The following GRM7 variants were observed in gnomAD, a reference collection of about 807,000 sequenced individuals.
The protein encoded by GRM7 is metabotropic glutamate receptor 7.
In GRM7, 35 loss-of-function variants were observed where a neutral mutation model predicts 84.5. The observed-to-expected ratio is 0.41, with a 90% CI of 0.32 to 0.55. GRM7 has a LOEUF of 0.55. GRM7 is among the 20% of genes least tolerant of loss of function. The probability of loss-of-function intolerance (pLI) is 0.19; values close to 1 mark genes in which losing one functional copy is unlikely to be tolerated. For synonymous variants in GRM7, 487 were observed against 455.1 expected (o/e 1.07, Z -0.89); for missense variants, 1,003 against 1,194.6 (o/e 0.84, Z 2.36).
chr3:7,247,489 C>G (rs944753683), intron 2 of GRM7, among the ~76,000 whole-genome samples: 1 of 151,250 alleles, frequency 6.6e-6, no homozygotes, highest in African/African-American at 2.4e-5. Context: ...GTCCTACCTA[C>G]TTGAGAGGCT....
intron 1 of GRM7, among the ~76,000 whole-genome samples, chr3:7,096,802 A>G (rs936680456): frequency 6.6e-6 from 1 of 152,142 alleles, no homozygotes; most frequent in African/African-American, 2.4e-5. Context: ...AGACACTCCT[A>G]TCAATCAGGA....
At chr3:7,177,745 T>C (rs10510351) in intron 2 of GRM7, among the ~76,000 whole-genome samples, 59,154 of 152,044 alleles carry the variant, frequency 0.39, 12,635 homozygotes, top group African/African-American at 0.57. Context: ...ATGCTACAAC[T>C]GATTAAACCT....
At chr3:7,676,420 T>TAAAACAAAGA (rs1700123631) in intron 8 of GRM7, among the ~76,000 whole-genome samples, 1 of 152,170 alleles carries the variant, frequency 6.6e-6, no homozygotes, top group Admixed American at 6.5e-5. Flanking sequence ...ATAAACAGAT[T>TAAAACAAAGA]ATATTTTTAT....
At chr3:7,465,268 G>A (rs1241070991) in intron 7 of GRM7, among the ~76,000 whole-genome samples, 1 of 152,082 alleles carries the variant, frequency 6.6e-6, no homozygotes, top group African/African-American at 2.4e-5. Flanking sequence ...GGACCTAAAA[G>A]AGCGAATGAC....
intron 7 of GRM7, among the ~76,000 whole-genome samples, chr3:7,491,549 T>C (rs766763569): frequency 2.6e-5 from 4 of 152,196 alleles, no homozygotes; most frequent in Non-Finnish European, 5.9e-5. Context: ...AAGGAAGCCA[T>C]GGGACTTTGC....
At chr3:7,599,483 C>G (rs780370357) in intron 8 of GRM7, among the ~76,000 whole-genome samples, 8 of 152,068 alleles carry the variant, frequency 5.3e-5, no homozygotes, top group Non-Finnish European at 1.2e-4. Flanking sequence ...CATTTGTATT[C>G]AGTTTTCACA....
At chr3:7,121,326 C>T (rs1693209185) in intron 1 of GRM7, among the ~76,000 whole-genome samples, 1 of 132,974 alleles carries the variant, frequency 7.5e-6, no homozygotes, top group Non-Finnish European at 1.6e-5. Context: ...TCCTCCCATC[C>T]ATCTATTCAT....
chr3:6,967,260 C>T (rs1453497690), intron 1 of GRM7, among the ~76,000 whole-genome samples: 1 of 152,124 alleles, frequency 6.6e-6, no homozygotes, highest in Non-Finnish European at 1.5e-5. Flanking sequence ...ACAATCACAG[C>T]TCACTCACTG....
chr3:7,179,269 G>A (rs928408954), intron 2 of GRM7, among the ~76,000 whole-genome samples: 9 of 152,060 alleles, frequency 5.9e-5, no homozygotes, highest in African/African-American at 1.9e-4. Context: ...AAACACCATG[G>A]GGCATGAGCA....
chr3:7,177,096 C>G (rs1398906086), intron 2 of GRM7, among the ~76,000 whole-genome samples: 18 of 151,390 alleles, frequency 1.2e-4, no homozygotes, highest in Admixed American at 1.2e-3. Context: ...TCTATCACTT[C>G]TACAGAATTC....
intron 2 of GRM7, among the ~76,000 whole-genome samples, chr3:7,286,891 A>C (rs1202207552): frequency 6.6e-6 from 1 of 152,180 alleles, no homozygotes; most frequent in Non-Finnish European, 1.5e-5. Flanking sequence ...ACAAAAGACA[A>C]ATATATTTGC....
intron 2 of GRM7, among the ~76,000 whole-genome samples, chr3:7,247,593 CTTT>C (rs139175818): frequency 1.7e-4 from 22 of 126,028 alleles, no homozygotes; most frequent in African/African-American, 5.4e-4. Flanking sequence ...GACACTCTCT[CTTT>C]TTTTTTAAAA....
intron 8 of GRM7, among the ~76,000 whole-genome samples, chr3:7,653,710 G>T: frequency 6.6e-6 from 1 of 152,326 alleles, no homozygotes; most frequent in Middle Eastern, 3.4e-3. Flanking sequence ...GATGGTGCAT[G>T]TTCCAAAGAA....
intron 2 of GRM7, among the ~76,000 whole-genome samples, chr3:7,294,450 A>G (rs998942853): frequency 6.6e-6 from 1 of 151,982 alleles, no homozygotes; most frequent in South Asian, 2.1e-4. Context: ...TGTCATCGCC[A>G]TTGCCCAGGG....
chr3:7,476,257 G>A (rs910808208), intron 7 of GRM7, among the ~76,000 whole-genome samples: 1 of 152,184 alleles, frequency 6.6e-6, no homozygotes, highest in Non-Finnish European at 1.5e-5. Flanking sequence ...AACACGAAAA[G>A]TGACTAGGGG....
At chr3:7,702,143 A>G (rs2125159298) in intron 9 of GRM7, among the ~76,000 whole-genome samples, 1 of 152,362 alleles carries the variant, frequency 6.6e-6, no homozygotes, top group Non-Finnish European at 1.5e-5. Context: ...AACTGCAAAG[A>G]GAAACTGAGT....
chr3:7,502,010 A>G (rs1018806657), intron 7 of GRM7, among the ~76,000 whole-genome samples: 2 of 152,190 alleles, frequency 1.3e-5, no homozygotes, highest in Non-Finnish European at 2.9e-5. Flanking sequence ...ACTTTGTAAA[A>G]AAAGTTGGCT....
chr3:7,516,982 A>G (rs1700415629), intron 7 of GRM7, among the ~76,000 whole-genome samples: 1 of 152,162 alleles, frequency 6.6e-6, no homozygotes, highest in Non-Finnish European at 1.5e-5. Context: ...CCCTCTGGAC[A>G]GTCAGTCTCT....
chr3:7,375,752 C>T (rs746474784), intron 4 of GRM7, among the ~76,000 whole-genome samples: 2 of 152,152 alleles, frequency 1.3e-5, no homozygotes, highest in Non-Finnish European at 1.5e-5. Context: ...ATTCTAGGTT[C>T]ATCCTCCTCT....
Sources: gnomAD v4.1 joint callset for allele counts (sites outside exome capture counted in the v4.1 genomes callset) on GRCh38, gnomAD v4.1.1 for gene constraint, MANE v1.5 for transcripts, NCBI Gene and HGNC (gene_info 2026-07-23, HGNC 2026-07-21) for gene names.